The following MBLAC2 variants were observed in gnomAD, a reference collection of about 807,000 sequenced individuals.
MBLAC2 encodes the protein acyl-coenzyme A thioesterase MBLAC2.
A neutral mutation model predicts 23.3 loss-of-function variants in MBLAC2; 24 were observed. The ratio of observed to expected loss-of-function variants is 1.03; its 90% CI spans 0.75 to 1.45. The LOEUF (loss-of-function observed/expected upper bound fraction) is 1.45. Ranked by LOEUF, MBLAC2 falls within the 40% of genes most tolerant of loss-of-function variation. The probability of loss-of-function intolerance (pLI) is 0.00; values close to 1 mark genes in which losing one functional copy is unlikely to be tolerated. For missense variants in MBLAC2, 358 were observed against 370.0 expected, an observed-to-expected ratio of 0.97 and a Z score of 0.27; for synonymous variants, 162 against 150.9, an observed-to-expected ratio of 1.07 and a Z score of -0.54.
intron 1 of MBLAC2, among the ~76,000 whole-genome samples, chr5:90,471,182 G>T (rs1004829670): frequency 1.3e-5 from 2 of 152,192 alleles, no homozygotes; most frequent in African/African-American, 4.8e-5. Flanking sequence ...CAGTTCAACA[G>T]TGCTTCGGAA....
rs1312648107 is a variant in MBLAC2 at position 90,459,370 on chromosome 5, A to T, written c.*1797T>A. On this transcript the variant is annotated 3_prime_UTR_variant, in exon 2 of 2. Coordinates refer to ENST00000316610, the MANE Select transcript of MBLAC2 (RefSeq NM_203406.2). ...GACTCATATACACAATCACAAATCA[A>T]TTTTTCTCATGCTAAATATGTGATG... 6.6e-6 allele frequency: 1 copy of T among 152,064 alleles called. No individual in the cohort carries two copies. The highest frequency in any genetic ancestry group is 1.5e-5 in the Non-Finnish European group (1 of 67,950). The allele number at this position is 152,064 out of a possible 1,614,324, so 9.4% of individuals were successfully genotyped here. A position where few individuals can be genotyped will look rare whatever the true frequency, so the allele number is the denominator to read the frequency against.
In MBLAC2 at chr5:90,459,610, C is replaced by G. The variant is rs754152613; in HGVS notation, c.*1557G>C. On this transcript the variant is annotated 3_prime_UTR_variant, in exon 2 of 2. Transcript: ENST00000316610. ...CACCCCTCCATTTATGTCCCTTACA[C>G]GCATGTATAATGTACATTAACTTGC... is the stretch of plus-strand genomic sequence containing the variant. The G allele has an allele frequency of 1.3e-5, 2 of 152,128 alleles. No individual in the cohort carries two copies. The highest frequency in any genetic ancestry group is 3.8e-4 in the East Asian group (2 of 5,202). 9.4% of individuals were successfully genotyped at this position (152,128 alleles called of 1,614,324 possible). A position where few individuals can be genotyped will look rare whatever the true frequency, so the allele number is the denominator to read the frequency against.
chr5:90,473,908 G>T lies in MBLAC2; in HGVS notation c.385C>A (p.Pro129Thr). 2 of 1,606,394 alleles carry T rather than the reference G, an allele frequency of 1.2e-6. No individual in the cohort carries two copies. Among genetic ancestry groups the T allele is most frequent in the Non-Finnish European group, 8.5e-7 (1 of 1,177,150 alleles). The change falls in exon 1 of 2, where the codon CCC (proline) becomes ACC (threonine). Residue 129 changes from proline (P) to threonine (T), a missense_variant. Physicochemically the swap from Pro to Thr is conservative, Grantham distance 38. Coordinates refer to ENST00000316610, the MANE Select transcript of MBLAC2 (RefSeq NM_203406.2). ...WLSDSEVVRT[P>T]SPGWRARQFR... ...TGTCTGGCCCTCCAGCCGGGGCTGG[G>T]CGTCCGCACCACCTCGCTATCGGAA...
In MBLAC2 at chr5:90,458,393, G is replaced by T. The variant is rs770778767; in HGVS notation, c.*2774C>A. 1 of 151,956 alleles carries T rather than the reference G, an allele frequency of 6.6e-6. No individual in the cohort carries two copies. The highest frequency in any genetic ancestry group is 1.5e-5 in the Non-Finnish European group (1 of 67,964). 9.4% of individuals were successfully genotyped at this position (151,956 alleles called of 1,614,324 possible). ...GGCTTCTCAGTTGAAAGAAAACATC[G>T]AGTAAGGAAAATGAATTTCCAGTGA... On this transcript the variant is annotated 3_prime_UTR_variant, in exon 2 of 2. Coordinates refer to ENST00000316610, the MANE Select transcript of MBLAC2 (RefSeq NM_203406.2).
chr5:90,462,341 A>C (rs1345281236), intron 1 of MBLAC2, among the ~76,000 whole-genome samples: 1 of 152,262 alleles, frequency 6.6e-6, no homozygotes, highest in East Asian at 1.9e-4. Context: ...TAAAAGATTC[A>C]TAATGTAATC....
In MBLAC2 at chr5:90,461,078, A is replaced by G. The variant is rs1750358568; in HGVS notation, c.*89T>C. The G allele has an allele frequency of 9.4e-7, 1 of 1,059,948 alleles. No homozygotes were observed. The highest frequency in any genetic ancestry group is 2.0e-5 in the South Asian group (1 of 50,674). 65.7% of individuals were successfully genotyped at this position (1,059,948 alleles called of 1,614,324 possible). On this transcript the variant is annotated 3_prime_UTR_variant, in exon 2 of 2. Coordinates refer to ENST00000316610, the MANE Select transcript of MBLAC2 (RefSeq NM_203406.2). Reference sequence around the variant, plus strand: ...TGATATATAATAGTGGTATAAAAGCACTTCATGAAATGCTCACTATTAATC... The same window carrying G: ...TGATATATAATAGTGGTATAAAAGCGCTTCATGAAATGCTCACTATTAATC...
chr5:90,471,827 G>A (rs1435369377), intron 1 of MBLAC2: 1 of 152,116 alleles, frequency 6.6e-6, no homozygotes, highest in Non-Finnish European at 1.5e-5. Context: ...GAGAAGAGAG[G>A]AAATTAGACA....
In MBLAC2 at chr5:90,474,379, G is replaced by C; in HGVS notation, c.-87C>G. 1.6e-6 allele frequency: 2 copies of C among 1,263,124 alleles called. No homozygotes were observed. Among genetic ancestry groups the C allele is most frequent in the Non-Finnish European group, 2.3e-6 (2 of 885,840 alleles). 78.2% of individuals were successfully genotyped at this position (1,263,124 alleles called of 1,614,324 possible). The stretch of plus-strand genomic sequence containing the variant: ...CACACACAGGGCACTGCGGCTGTGT[G>C]AAGCGGTCTGCCTGCAGCCAGGGAG... On this transcript the variant is annotated 5_prime_UTR_variant, in exon 1 of 2. Transcript: ENST00000316610.
Position 90,474,382 on chromosome 5 carries a change from G to A in MBLAC2, c.-90C>T. ...ACACAGGGCACTGCGGCTGTGTGAA[G>A]CGGTCTGCCTGCAGCCAGGGAGGAG... On this transcript the variant is annotated 5_prime_UTR_variant, in exon 1 of 2. Transcript: ENST00000316610. 2.4e-6 allele frequency: 3 copies of A among 1,236,278 alleles called. No homozygotes were observed. The highest frequency in any genetic ancestry group is 2.4e-5 in the East Asian group (1 of 40,902). 76.6% of individuals were successfully genotyped at this position (1,236,278 alleles called of 1,614,324 possible).
At chr5:90,465,344 T>C (rs975012271) in intron 1 of MBLAC2, among the ~76,000 whole-genome samples, 1 of 152,132 alleles carries the variant, frequency 6.6e-6, no homozygotes, top group Middle Eastern at 3.2e-3. Flanking sequence ...TCAAGAGAAA[T>C]TAAAGAAGAC....
intron 1 of MBLAC2, 33 bp downstream of exon 1, chr5:90,473,806 T>C (rs755683846): frequency 1.3e-6 from 2 of 1,544,934 alleles, no homozygotes; most frequent in South Asian, 1.2e-5. Flanking sequence ...TACCCTCCCT[T>C]AACGAGAGCG....
chr5:90,466,133 T>C (rs1050004415), intron 1 of MBLAC2, among the ~76,000 whole-genome samples: 3 of 152,144 alleles, frequency 2.0e-5, no homozygotes, highest in African/African-American at 4.8e-5. Context: ...ACAATAAAGC[T>C]ACAGTAATCA....
At position 90,461,556 on chromosome 5, in the gene MBLAC2, C is replaced by G. The variant is rs768596655; in HGVS notation, c.455-4G>C. ...TCACCAAGGTTGATCACATCCCCTACAAATGGAAACAGAGTTTACAGATAA... is the reference window on the plus strand; with the variant it reads ...TCACCAAGGTTGATCACATCCCCTAGAAATGGAAACAGAGTTTACAGATAA... On this transcript the variant is annotated splice_region_variant and splice_polypyrimidine_tract_variant and intron_variant, in intron 1 of 1. Coordinates refer to ENST00000316610, the MANE Select transcript of MBLAC2 (RefSeq NM_203406.2). 1 of 1,600,608 alleles carries G rather than the reference C, an allele frequency of 6.2e-7. No homozygotes were observed. The highest frequency in any genetic ancestry group is 8.5e-7 in the Non-Finnish European group (1 of 1,173,296).
chr5:90,469,871 A>T (rs1037968125), intron 1 of MBLAC2, among the ~76,000 whole-genome samples: 4 of 152,232 alleles, frequency 2.6e-5, no homozygotes, highest in African/African-American at 9.6e-5. Flanking sequence ...TAGCAATCCC[A>T]CTGCTGGGTA....
rs1427971565 is a variant in MBLAC2, at chr5:90,474,548, G to T, written c.-256C>A. 5.8e-6 allele frequency: 3 copies of T among 513,720 alleles called. No individual in the cohort carries two copies. Among genetic ancestry groups the T allele is most frequent in the East Asian group, 7.1e-5 (2 of 28,044 alleles). 31.8% of individuals were successfully genotyped at this position (513,720 alleles called of 1,614,324 possible). ...CAGAGGCTGCGCCACCAGCACGGGG[G>T]CGCAGGAGCTACCGCAGCCTCGGCA... is the stretch of plus-strand genomic sequence containing the variant. On this transcript the variant is annotated 5_prime_UTR_variant, in exon 1 of 2. Coordinates refer to ENST00000316610, the MANE Select transcript of MBLAC2 (RefSeq NM_203406.2).
Position 90,474,365 on chromosome 5 carries a change from C to G in MBLAC2, c.-73G>C. The G allele has an allele frequency of 7.2e-7, 1 of 1,382,392 alleles. No homozygotes were observed. Among genetic ancestry groups the G allele is most frequent in the Non-Finnish European group, 1.0e-6 (1 of 985,628 alleles). 85.6% of individuals were successfully genotyped at this position (1,382,392 alleles called of 1,614,324 possible). A position where few individuals can be genotyped will look rare whatever the true frequency, so the allele number is the denominator to read the frequency against. ...TCCCACAGGCTGTCCACACACAGGG[C>G]ACTGCGGCTGTGTGAAGCGGTCTGC... On this transcript the variant is annotated 5_prime_UTR_variant, in exon 1 of 2. Transcript: ENST00000316610.
chr5:90,466,646 C>CAATCTTATGCATTGAATTATGAATATAT (rs1750451342), intron 1 of MBLAC2, among the ~76,000 whole-genome samples: 1 of 152,040 alleles, frequency 6.6e-6, no homozygotes, highest in Admixed American at 6.6e-5. Context: ...GCTTGCATAA[C>CAATCTTATGCATTGAATTATGAATATAT]TCAATAATAA....
intron 1 of MBLAC2, chr5:90,473,015 G>A (rs1678728780): frequency 1.3e-5 from 2 of 152,232 alleles, no homozygotes; most frequent in Non-Finnish European, 2.9e-5. Context: ...CCTACGTAGG[G>A]AGAATGGGCT....
At position 90,474,413 on chromosome 5, in the gene MBLAC2, G is replaced by A; in HGVS notation, c.-121C>T. 2.2e-6 allele frequency: 2 copies of A among 896,020 alleles called. No homozygotes were observed. The highest frequency in any genetic ancestry group is 1.5e-5 in the South Asian group (1 of 67,308). The allele number at this position is 896,020 out of a possible 1,614,324, so 55.5% of individuals were successfully genotyped here. A position where few individuals can be genotyped will look rare whatever the true frequency, so the allele number is the denominator to read the frequency against. ...TGCCTGCAGCCAGGGAGGAGGCGTA[G>A]AGCGAGGCGGGGGCGTGGGATGCGG... is the stretch of plus-strand genomic sequence containing the variant. On this transcript the variant is annotated 5_prime_UTR_variant, in exon 1 of 2. Coordinates refer to ENST00000316610, the MANE Select transcript of MBLAC2 (RefSeq NM_203406.2).
Sources: allele counts gnomAD v4.1 joint callset (sites outside exome capture counted in the v4.1 genomes callset), GRCh38; gene constraint gnomAD v4.1.1; transcripts MANE v1.5; gene names NCBI Gene and HGNC (gene_info 2026-07-23, HGNC 2026-07-21).